Variants in NIPAL3 observed in about 807,000 individuals in gnomAD.
The protein encoded by NIPAL3 is NIPA like domain containing 3, also known as NIPA-like protein 3.
A neutral mutation model predicts 47.2 loss-of-function variants in NIPAL3; 41 were observed. The observed-to-expected ratio is 0.87, with a 90% confidence interval of 0.68 to 1.13. The LOEUF (loss-of-function observed/expected upper bound fraction) is 1.13, where lower values mean the gene tolerates loss of function less well. NIPAL3 is among the 50% of genes most tolerant of loss of function. The pLI is 0.00. For synonymous variants in NIPAL3, 194 were observed against 209.6 expected (o/e 0.93, Z 0.64); for missense variants, 449 against 530.1 (o/e 0.85, Z 1.50).
intron 11 of NIPAL3, chr1:24,465,222 T>G (rs1570390015): frequency 4.6e-5 from 7 of 152,314 alleles, no homozygotes; most frequent in Admixed American, 4.6e-4. Flanking sequence ...TGCATGAACT[T>G]TTTAAACGTC....
chr1:24,455,042 A>G (rs553666495), intron 7 of NIPAL3, among the ~76,000 whole-genome samples: 10 of 152,234 alleles, frequency 6.6e-5, no homozygotes, highest in Non-Finnish European at 1.5e-4. Flanking sequence ...ACAAGTGCCT[A>G]AGTGGTTGCT....
intron 6 of NIPAL3, among the ~76,000 whole-genome samples, chr1:24,450,327 T>A (rs1343491890): frequency 6.6e-6 from 1 of 152,174 alleles, no homozygotes; most frequent in Non-Finnish European, 1.5e-5. Flanking sequence ...TTCAAACTTT[T>A]ATGGTAAGGG....
intron 2 of NIPAL3, chr1:24,422,084 T>C (rs746322721): frequency 3.3e-5 from 5 of 152,186 alleles, no homozygotes; most frequent in Non-Finnish European, 7.3e-5. Flanking sequence ...ATTATGAACA[T>C]TTGTCTGGAA....
intron 2 of NIPAL3, among the ~76,000 whole-genome samples, chr1:24,434,048 A>G (rs1019739048): frequency 1.3e-5 from 2 of 152,182 alleles, no homozygotes; most frequent in Non-Finnish European, 2.9e-5. Context: ...GAGGAAAAAA[A>G]GAGACTACAG....
intron 5 of NIPAL3, among the ~76,000 whole-genome samples, chr1:24,446,011 T>C (rs1645639724): frequency 6.6e-6 from 1 of 151,924 alleles, no homozygotes; most frequent in South Asian, 2.1e-4. Context: ...TGTTGTGTTA[T>C]AGGTGCTGGG....
intron 2 of NIPAL3, among the ~76,000 whole-genome samples, chr1:24,432,509 T>C (rs1344612236): frequency 6.6e-6 from 1 of 152,214 alleles, no homozygotes; most frequent in Non-Finnish European, 1.5e-5. Flanking sequence ...CTCCTAATAA[T>C]AGCTACTATT....
intron 11 of NIPAL3, chr1:24,465,944 G>C: frequency 6.4e-7 from 1 of 1,553,538 alleles, no homozygotes; most frequent in Non-Finnish European, 8.7e-7. Flanking sequence ...AAACAGAGGT[G>C]CTTTTCCAGC....
chr1:24,445,308 C>T, intron 5 of NIPAL3, 64 bp downstream of exon 5: 2 of 1,152,442 alleles, frequency 1.7e-6, no homozygotes, highest in Non-Finnish European at 2.6e-6. Flanking sequence ...AATTGTAAAA[C>T]CAGTTCACTC....
chr1:24,445,362 T>C lies in NIPAL3; in HGVS notation c.394+118T>C, dbSNP rs544335683. 7.3e-6 allele frequency: 5 copies of C among 687,082 alleles called. No individual in the cohort carries two copies. The East Asian group carries it at 1.4e-4, about 19-fold the overall frequency. 42.6% of individuals were successfully genotyped at this position (687,082 alleles called of 1,614,324 possible). A position where few individuals can be genotyped will look rare whatever the true frequency, so the allele number is the denominator to read the frequency against. ...CCTCCTGCTGTCCTCTGTGGTTCTA[T>C]GTTCTGCCCTCAACAGGCTCCTGAG... On this transcript the variant is annotated intron_variant, in intron 5 of 11. Transcript: ENST00000374399.
chr1:24,445,972 G>A (rs1645637113), intron 5 of NIPAL3, among the ~76,000 whole-genome samples: 1 of 152,040 alleles, frequency 6.6e-6, no homozygotes, highest in African/African-American at 2.4e-5. Flanking sequence ...GGGAAGAAGC[G>A]TTTCCCACAA....
Position 24,445,192 on chromosome 1 carries a change from C to T in NIPAL3, c.342C>T (p.Ala114=), listed in dbSNP as rs1645599153. ...TTGTGCTTCATTTTTCAGCTAGTGC[C>T]ATCATAGGAATCATATTCATCAAGG... is the stretch of plus-strand genomic sequence containing the variant. ...PLSAVSVIAS[A]IIGIIFIKEK... Residue 114 remains alanine (A), a synonymous_variant, in exon 5 of 12, where the codon GCC becomes GCT. Coordinates refer to ENST00000374399, the MANE Select transcript of NIPAL3 (RefSeq NM_020448.5). 2.5e-6 allele frequency: 4 copies of T among 1,610,338 alleles called. No individual in the cohort carries two copies. The East Asian group carries it at 8.9e-5, about 36-fold the overall frequency.
At chr1:24,440,610 C>T (rs981906948) in intron 3 of NIPAL3, among the ~76,000 whole-genome samples, 2 of 152,188 alleles carry the variant, frequency 1.3e-5, no homozygotes, top group African/African-American at 4.8e-5. Context: ...CAGGGATGCC[C>T]TCTACAGCTG....
Position 24,416,091 on chromosome 1 carries a change from C to A in NIPAL3, c.-258+187C>A. 1 of 985,492 alleles carries A rather than the reference C, an allele frequency of 1.0e-6. No individual in the cohort carries two copies. Among genetic ancestry groups the A allele is most frequent in the Non-Finnish European group, 1.2e-6 (1 of 830,000 alleles). 61.0% of individuals were successfully genotyped at this position (985,492 alleles called of 1,614,324 possible). ...AGTTTTGCATCGAGGCCAAGAGGAG[C>A]GGGGGCATGGGCTACCTTACTAAAG... On this transcript the variant is annotated intron_variant, in intron 1 of 11. Transcript: ENST00000374399. The surrounding 1 kb of genome is among the most constrained non-coding windows in gnomAD (Gnocchi z 4.8).
rs1212850216 is a variant in NIPAL3 at position 24,456,134 on chromosome 1, G to T, written c.638-4G>T. Reference sequence around the variant, plus strand: ...CCCCATTCGCCCTTGTCTCCCATCTGCAGGCTCCATGACAGTGGTGACAGT... The same window carrying T: ...CCCCATTCGCCCTTGTCTCCCATCTTCAGGCTCCATGACAGTGGTGACAGT... On this transcript the variant is annotated splice_polypyrimidine_tract_variant and splice_region_variant and intron_variant, in intron 7 of 11. Coordinates refer to ENST00000374399, the MANE Select transcript of NIPAL3 (RefSeq NM_020448.5). 1.2e-6 allele frequency: 2 copies of T among 1,614,048 alleles called. No homozygotes were observed. The highest frequency in any genetic ancestry group is 2.2e-5 in the East Asian group (1 of 44,882).
At chr1:24,446,069 CGTGTGTGTGTGTGTGTGTGTGT>C (rs58016013) in intron 5 of NIPAL3, among the ~76,000 whole-genome samples, 12,904 of 147,820 alleles carry the variant, frequency 0.087, 1,750 homozygotes, top group African/African-American at 0.29. Flanking sequence ...AGATTATAGT[CGTGTGTGTGTGTGTGTGTGTGT>C]GTGTGTGTGT....
intron 5 of NIPAL3, among the ~76,000 whole-genome samples, chr1:24,448,330 C>T (rs1645770000): frequency 1.3e-5 from 2 of 152,080 alleles, no homozygotes; most frequent in South Asian, 4.2e-4. Flanking sequence ...TTACAGAGTT[C>T]AATAGGAGTG....
chr1:24,427,487 A>T (rs1644644846), intron 2 of NIPAL3, among the ~76,000 whole-genome samples: 1 of 152,240 alleles, frequency 6.6e-6, no homozygotes, highest in African/African-American at 2.4e-5. Flanking sequence ...GTGGACATTC[A>T]TATGTTATGG....
chr1:24,426,789 T>C (rs1276062576), intron 2 of NIPAL3, among the ~76,000 whole-genome samples: 1 of 152,194 alleles, frequency 6.6e-6, no homozygotes. Context: ...GTGTCAATTC[T>C]ACTCTGCCTT....
chr1:24,435,036 A>G (rs1179414783), intron 2 of NIPAL3, among the ~76,000 whole-genome samples: 8 of 152,234 alleles, frequency 5.3e-5, no homozygotes, highest in Non-Finnish European at 8.8e-5. Flanking sequence ...TCAAGACAAT[A>G]TGGTACTGGC....
Sources: allele counts gnomAD v4.1 joint callset (sites outside exome capture counted in the v4.1 genomes callset), GRCh38; gene constraint gnomAD v4.1.1; non-coding constraint Gnocchi (gnomAD v3.1); transcripts MANE v1.5; gene names NCBI Gene and HGNC (gene_info 2026-07-23, HGNC 2026-07-21).